Variants in CHL1 observed in about 807,000 individuals in gnomAD.
CHL1 encodes the protein neural cell adhesion molecule L1-like protein.
In CHL1, 96 loss-of-function variants were observed where a neutral mutation model predicts 141.9. That is an observed-to-expected ratio of 0.68 (90% confidence interval 0.57 to 0.80). The LOEUF is 0.80. Ranked by LOEUF, CHL1 falls within the 30% of genes least tolerant of loss-of-function variation. The pLI is 0.00. For synonymous variants in CHL1, 613 were observed against 502.2 expected, an observed-to-expected ratio of 1.22 and a Z score of -2.95; for missense variants, 1,820 against 1,457.2, an observed-to-expected ratio of 1.25 and a Z score of -4.05.
At chr3:211,268 C>G (rs75769213) in intron 1 of CHL1, among the ~76,000 whole-genome samples, 8,380 of 152,242 alleles carry the variant, frequency 0.055, 299 homozygotes, top group Middle Eastern at 0.12. Context: ...GATGATACAT[C>G]GGGCTGCAGA....
At chr3:357,622 C>A (rs1703834486) in intron 11 of CHL1, among the ~76,000 whole-genome samples, 1 of 152,164 alleles carries the variant, frequency 6.6e-6, no homozygotes. Flanking sequence ...AAAGACAAAA[C>A]TGAGAAAGAA....
At chr3:377,069 A>T (rs977141613) in intron 15 of CHL1, among the ~76,000 whole-genome samples, 14 of 152,246 alleles carry the variant, frequency 9.2e-5, no homozygotes, top group Non-Finnish European at 1.8e-4. Context: ...GCTAATTATT[A>T]TGAATACATT....
At chr3:327,643 T>C (rs1237636541) in intron 4 of CHL1, among the ~76,000 whole-genome samples, 1 of 151,942 alleles carries the variant, frequency 6.6e-6, no homozygotes, top group Non-Finnish European at 1.5e-5. Flanking sequence ...TGACAGAAGA[T>C]AATGTAGCTA....
intron 14 of CHL1, chr3:363,612 T>C (rs3852042): frequency 0.042 from 16,141 of 385,344 alleles, 2,240 homozygotes; most frequent in African/African-American, 0.3. Context: ...GCCAGGTGTC[T>C]GTAGTGACAG....
chr3:344,935 G>A (rs1439195809), intron 9 of CHL1, among the ~76,000 whole-genome samples: 2 of 152,098 alleles, frequency 1.3e-5, no homozygotes, highest in Non-Finnish European at 2.9e-5. Context: ...GCTGCAGTGA[G>A]CTATGATAAT....
chr3:328,253 C>A lies in CHL1; in HGVS notation c.284C>A (p.Pro95Gln). The A allele has an allele frequency of 6.2e-7, 1 of 1,612,806 alleles. No homozygotes were observed. The highest frequency in any genetic ancestry group is 1.1e-5 in the South Asian group (1 of 91,008). Residue 95 changes from proline (P) to glutamine (Q), a missense_variant, in exon 5 of 28, where the codon CCA becomes CAA. Transcript: ENST00000256509. ...AACAATTCAGGAACATTCAGGATCC[C>A]AAACGAGGGGCACATATCTCACTTT... is the stretch of plus-strand genomic sequence containing the variant. ...PSNNSGTFRI[P>Q]NEGHISHFQG...
At chr3:240,609 C>G (rs763508629) in intron 1 of CHL1, among the ~76,000 whole-genome samples, 1 of 152,040 alleles carries the variant, frequency 6.6e-6, no homozygotes, top group African/African-American at 2.4e-5. Context: ...TTAAGTCCCA[C>G]CTATTTATCT....
chr3:393,125 CG>C (rs1247808860), intron 23 of CHL1, among the ~76,000 whole-genome samples: 2 of 149,304 alleles, frequency 1.3e-5, no homozygotes, highest in African/African-American at 4.9e-5. Flanking sequence ...CCCAGCTACT[CG>C]GGCGGCTGAG....
At chr3:211,038 C>G (rs905817328) in intron 1 of CHL1, among the ~76,000 whole-genome samples, 1 of 152,178 alleles carries the variant, frequency 6.6e-6, no homozygotes, top group Non-Finnish European at 1.5e-5. Context: ...TTACTCTTTT[C>G]CATTTATCTG....
chr3:293,271 G>A (rs934373101), intron 2 of CHL1, among the ~76,000 whole-genome samples: 2 of 152,166 alleles, frequency 1.3e-5, no homozygotes, highest in African/African-American at 4.8e-5. Flanking sequence ...GGAGGCCGAG[G>A]TGGATGGTTC....
chr3:358,119 C>T (rs1476686843), intron 11 of CHL1, among the ~76,000 whole-genome samples: 2 of 152,140 alleles, frequency 1.3e-5, no homozygotes, highest in East Asian at 1.9e-4. Flanking sequence ...AGTGCATGTA[C>T]ACTATTTTAC....
intron 2 of CHL1, among the ~76,000 whole-genome samples, chr3:315,442 C>T (rs1700088013): frequency 6.6e-6 from 1 of 152,126 alleles, no homozygotes; most frequent in South Asian, 2.1e-4. Flanking sequence ...CCATCTCTCT[C>T]CTCCATTTCT....
intron 27 of CHL1, among the ~76,000 whole-genome samples, chr3:404,714 G>C (rs768984884): frequency 2.6e-5 from 4 of 152,134 alleles, no homozygotes; most frequent in Non-Finnish European, 4.4e-5. Context: ...CAGGATATAA[G>C]AGAATCAAAA....
chr3:360,165 CTA>C (rs1484664215), intron 11 of CHL1, 117 bp from the exon 12 acceptor site: 2 of 1,072,732 alleles, frequency 1.9e-6, no homozygotes, highest in Non-Finnish European at 2.6e-6. Flanking sequence ...CTTCAATGAA[CTA>C]TTAGTCACCC....
intron 2 of CHL1, among the ~76,000 whole-genome samples, chr3:318,109 T>C (rs1700282520): frequency 6.6e-6 from 1 of 151,850 alleles, no homozygotes; most frequent in South Asian, 2.1e-4. Flanking sequence ...AGGGTAGTAT[T>C]TTCTTTTATG....
rs1255143025 is a variant in CHL1, at chr3:277,895, A to C, written c.-95+33203A>C. 2.0e-4 allele frequency among the ~76,000 whole-genome samples: 31 copies of C among 152,248 alleles called. 1 individual carries two copies. ...TAACATTTTTCTTTTCCATAACAAG[A>C]AGTTTTACAGCTACATTTCACAGAT... On this transcript the variant is annotated intron_variant, in intron 2 of 27. Coordinates refer to ENST00000256509, the MANE Select transcript of CHL1 (RefSeq NM_006614.4).
chr3:355,981 G>A (rs1279808144), intron 11 of CHL1, among the ~76,000 whole-genome samples: 7 of 152,102 alleles, frequency 4.6e-5, no homozygotes, highest in African/African-American at 1.7e-4. Flanking sequence ...GTTGTTTTGT[G>A]GATTAAAGGA....
Position 249,938 on chromosome 3 carries a change from C to A in CHL1, c.-95+5246C>A, listed in dbSNP as rs143608611. On this transcript the variant is annotated intron_variant, in intron 2 of 27. Transcript: ENST00000256509. The stretch of plus-strand genomic sequence containing the variant: ...CTGTACCTGGGGACTGTGAATTAAA[C>A]TAACAAAAGACAGATTAATAGGAAA... 3.1e-4 allele frequency among the ~76,000 whole-genome samples: 47 copies of A among 151,798 alleles called. 1 individual carries two copies. The East Asian group carries it at 9.1e-3, about 29-fold the overall frequency.
intron 2 of CHL1, among the ~76,000 whole-genome samples, chr3:299,234 G>A (rs1167883109): frequency 6.6e-6 from 1 of 152,148 alleles, no homozygotes; most frequent in Non-Finnish European, 1.5e-5. Context: ...TGAGAGTGCA[G>A]CATACTTGGC....
Sources: gnomAD v4.1 joint callset for allele counts (sites outside exome capture counted in the v4.1 genomes callset) on GRCh38, gnomAD v4.1.1 for gene constraint, MANE v1.5 for transcripts, NCBI Gene and HGNC (gene_info 2026-07-23, HGNC 2026-07-21) for gene names.